MXRA5: variants seen among roughly 807,000 people sequenced by gnomAD.
MXRA5 encodes matrix-remodeling-associated protein 5.
MXRA5 carries 41 observed loss-of-function variants against 112.5 expected under a neutral mutation model. The observed-to-expected ratio is 0.36, with a 90% CI of 0.28 to 0.47. The LOEUF (loss-of-function observed/expected upper bound fraction) is 0.47, where lower values mean the gene tolerates loss of function less well. MXRA5 is among the 20% of genes least tolerant of loss of function. MXRA5 has a pLI of 0.99. For synonymous variants in MXRA5, 862 were observed against 900.8 expected, an observed-to-expected ratio of 0.96 and a Z score of 0.77; for missense variants, 2,150 against 2,251.0, an observed-to-expected ratio of 0.96 and a Z score of 0.91.
At position 3,320,018 on chromosome X, in the gene MXRA5, C is replaced by T. The variant is rs776869558; in HGVS notation, c.5667G>A (p.Lys1889=). The stretch of plus-strand genomic sequence containing the variant: ...GCTTAAACATCTTACCTGTGGAAAC[C>T]TTTGTCCAAGTAACGAAAGGCTTTG... The part of the protein sequence containing the change: ...GKPKPFVTWT[K]VSTGALMTPN... Residue 1889 remains lysine (K), a synonymous_variant, in exon 5 of 7, where the codon AAG becomes AAA. Coordinates refer to ENST00000217939, the MANE Select transcript of MXRA5 (RefSeq NM_015419.4). 3.0e-5 allele frequency: 36 copies of T among 1,192,240 alleles called. No homozygotes were observed. Among genetic ancestry groups the T allele is most frequent in the Non-Finnish European group, 3.5e-5 (31 of 886,023 alleles).
chrX:3,321,281 A>C lies in MXRA5; in HGVS notation c.4404T>G (p.Thr1468=), dbSNP rs770914125. The C allele has an allele frequency of 7.4e-6, 9 of 1,211,578 alleles. No homozygotes were observed. The highest frequency in any genetic ancestry group is 1.0e-5 in the Non-Finnish European group (9 of 895,466). The change falls in exon 5 of 7, where the codon ACT becomes ACG. Residue 1468 remains threonine (T), a synonymous_variant. Coordinates refer to ENST00000217939, the MANE Select transcript of MXRA5 (RefSeq NM_015419.4). ...TTLDQDHLET[T]VAILLSETRP... Reference sequence around the variant, plus strand: ...TAGTTTCAGAAAGGAGAATAGCCACAGTGGTTTCAAGATGATCTTGATCAA... The same window carrying C: ...TAGTTTCAGAAAGGAGAATAGCCACCGTGGTTTCAAGATGATCTTGATCAA...
intron 5 of MXRA5, 103 bp from the exon 6 acceptor site, chrX:3,318,106 G>A: frequency 3.1e-6 from 2 of 654,284 alleles, no homozygotes; most frequent in Non-Finnish European, 4.5e-6. Context: ...TAACACCCAG[G>A]CAGCAAAAGC....
rs866613735 is a variant in MXRA5 at position 3,321,462 on chromosome X, G to A, written c.4223C>T (p.Pro1408Leu). Residue 1408 changes from proline (P) to leucine (L), a missense_variant, in exon 5 of 7, where the codon CCC (proline) becomes CTC (leucine). Pro to Leu is a moderately conservative substitution (Grantham distance 98). This residue lies in a region of MXRA5 where 1,485 missense variants were observed against 1,471.6 expected (regional missense o/e 1.01). Coordinates refer to ENST00000217939, the MANE Select transcript of MXRA5 (RefSeq NM_015419.4). ...TTSGENLTDPPLLKELEDVDF... is the reference protein window; with the variant it reads ...TTSGENLTDPLLLKELEDVDF... ...CACATCCTCAAGCTCTTTAAGAAGGGGAGGGTCTGTAAGATTTTCCCCAGA... is the reference window on the plus strand; with the variant it reads ...CACATCCTCAAGCTCTTTAAGAAGGAGAGGGTCTGTAAGATTTTCCCCAGA... The A allele has an allele frequency of 8.3e-7, 1 of 1,211,164 alleles. No individual in the cohort carries two copies. Among genetic ancestry groups the A allele is most frequent in the East Asian group, 3.0e-5 (1 of 33,825 alleles).
In MXRA5 at chrX:3,321,588, T is replaced by C; in HGVS notation, c.4097A>G (p.Lys1366Arg). 8.3e-7 allele frequency: 1 copy of C among 1,210,822 alleles called. No homozygotes were observed. The change falls in exon 5 of 7, where the codon AAG (lysine) becomes AGG (arginine). Residue 1366 changes from lysine (K) to arginine (R), a missense_variant. By Grantham distance (26) the Lys-to-Arg change is conservative. Coordinates refer to ENST00000217939, the MANE Select transcript of MXRA5 (RefSeq NM_015419.4). ...RSLVSTMGEF[K>R]EESSPVGFPG... ...AAAGCCTACAGGAGAGGATTCTTCCTTAAATTCTCCCATAGTGGAGACCAA... is the reference window on the plus strand; with the variant it reads ...AAAGCCTACAGGAGAGGATTCTTCCCTAAATTCTCCCATAGTGGAGACCAA...
In MXRA5 at chrX:3,324,666, A is replaced by G; in HGVS notation, c.1019T>C (p.Met340Thr). The G allele has an allele frequency of 1.7e-6, 2 of 1,210,622 alleles. 1 individual carries two copies. The highest frequency in any genetic ancestry group is 2.2e-6 in the Non-Finnish European group (2 of 894,642). ...GTTCAAGTGAATCTTGTACACATCC[A>G]TTGGTTTCTTGATGTCACAGACCAA... ...VNLVCDIKKPMDVYKIHLNQT... is the reference protein window; with the variant it reads ...VNLVCDIKKPTDVYKIHLNQT... Residue 340 changes from methionine to threonine, a missense_variant, in exon 5 of 7, where the codon ATG becomes ACG. Physicochemically the swap from Met to Thr is moderately conservative, Grantham distance 81. Around this residue, in one of 6 missense-constraint regions of MXRA5, gnomAD observed 386 missense variants for 411.0 expected, o/e 0.94. Coordinates refer to ENST00000217939, the MANE Select transcript of MXRA5 (RefSeq NM_015419.4).
intron 4 of MXRA5, among the ~76,000 whole-genome samples, chrX:3,326,042 T>C (rs1280936183): frequency 1.3e-5 from 1 of 75,043 alleles, no homozygotes; most frequent in Non-Finnish European, 2.3e-5. Flanking sequence ...TAAATTTATA[T>C]ATAAATATAT....
At chrX:3,335,145 T>A (rs1019759541) in intron 2 of MXRA5, among the ~76,000 whole-genome samples, 5 of 111,944 alleles carry the variant, frequency 4.5e-5, no homozygotes, top group African/African-American at 1.3e-4. Context: ...CAATCATGGA[T>A]AATGACCATA....
In MXRA5 at chrX:3,320,917, G is replaced by A; in HGVS notation, c.4768C>T (p.Pro1590Ser). 8.3e-7 allele frequency: 1 copy of A among 1,211,633 alleles called. No individual in the cohort carries two copies. Among genetic ancestry groups the A allele is most frequent in the Non-Finnish European group, 1.1e-6 (1 of 895,524 alleles). ...VFGSRSLPRG[P>S]DSQRQDGRVH... is the part of the protein sequence containing the mutation. ...CTTCCATCCTGGCGTTGGCTATCTG[G>A]GCCACGTGGTAGACTCCTACTACCA... Residue 1590 changes from proline (P) to serine (S), a missense_variant, in exon 5 of 7, where the codon CCA (proline) becomes TCA (serine). By Grantham distance (74) the Pro-to-Ser change is moderately conservative. Transcript: ENST00000217939.
intron 2 of MXRA5, among the ~76,000 whole-genome samples, chrX:3,342,260 G>A (rs1373420500): frequency 9.1e-6 from 1 of 110,467 alleles, no homozygotes; most frequent in Admixed American, 9.7e-5. Flanking sequence ...GTTGAGGGGA[G>A]GGAACATAGA....
At chrX:3,331,309 G>A (rs1921658996) in intron 2 of MXRA5, among the ~76,000 whole-genome samples, 1 of 111,846 alleles carries the variant, frequency 8.9e-6, no homozygotes, top group Admixed American at 9.5e-5. Context: ...GTATTTATTT[G>A]TCTTCAGTCT....
chrX:3,328,583 A>G (rs1921567182), intron 4 of MXRA5, among the ~76,000 whole-genome samples: 1 of 111,259 alleles, frequency 9.0e-6, no homozygotes, highest in South Asian at 3.8e-4. Context: ...TGACAAGGAC[A>G]TGGGGACACT....
intron 2 of MXRA5, among the ~76,000 whole-genome samples, chrX:3,333,302 C>CAAAAAAAAAAAAAAAAAAA (rs386416494): frequency 2.0e-4 from 3 of 14,812 alleles, no homozygotes; most frequent in East Asian, 3.5e-3. Context: ...TACCCCATAT[C>CAAAAAAAAAAAAAAAAAAA]AAAAAAAAAA....
chrX:3,330,871 A>G, intron 2 of MXRA5, 98 bp from the exon 3 acceptor site: 1 of 558,106 alleles, frequency 1.8e-6, no homozygotes, highest in Non-Finnish European at 2.6e-6. Context: ...TAGCCTGCCC[A>G]AGAGCAAATT....
intron 2 of MXRA5, among the ~76,000 whole-genome samples, chrX:3,332,701 T>C (rs1354905622): frequency 1.8e-5 from 2 of 112,373 alleles, no homozygotes. Context: ...TTGACTCATG[T>C]AGTCAATGAA....
chrX:3,339,978 TTAAAA>T (rs1439203320), intron 2 of MXRA5, among the ~76,000 whole-genome samples: 3 of 111,973 alleles, frequency 2.7e-5, no homozygotes, highest in Admixed American at 9.5e-5. Flanking sequence ...AAGGCAGAAC[TTAAAA>T]TAAAATAGGC....
intron 5 of MXRA5, among the ~76,000 whole-genome samples, chrX:3,319,614 T>A (rs183182053): frequency 4.5e-4 from 50 of 111,967 alleles, no homozygotes; most frequent in Admixed American, 7.6e-4. Context: ...GGTTGAAGTG[T>A]AGATTGGGTA....
rs1433878367 is a variant in MXRA5, at chrX:3,336,790, CT to C, written c.189-6018del. ...TGGGCTCTGAAAACAAGTTCTAATGCTTTTAGAGATGGAGAAATCAAAAGGA... is the reference window on the plus strand; with the variant it reads ...TGGGCTCTGAAAACAAGTTCTAATGCTTTAGAGATGGAGAAATCAAAAGGA... On this transcript the variant is annotated intron_variant, in intron 2 of 6. Transcript: ENST00000217939. 4.5e-5 allele frequency among the ~76,000 whole-genome samples: 5 copies of C among 112,090 alleles called. No homozygotes were observed. The Admixed American group carries it at 4.7e-4, about 11-fold the overall frequency.
At chrX:3,328,899 T>A (rs1452026275) in intron 4 of MXRA5, among the ~76,000 whole-genome samples, 2 of 57,918 alleles carry the variant, frequency 3.5e-5, no homozygotes, top group Admixed American at 4.9e-4. Flanking sequence ...AAGGAAGGAA[T>A]GAAGGAAGGG....
rs777090401 is a variant in MXRA5, at chrX:3,310,306, C to A, written c.7897G>T (p.Val2633Leu). The A allele has an allele frequency of 8.3e-7, 1 of 1,206,228 alleles. No homozygotes were observed. The highest frequency in any genetic ancestry group is 1.8e-5 in the African/African-American group (1 of 56,795). The change falls in exon 7 of 7, where the codon GTG (valine) becomes TTG (leucine). Residue 2633 changes from valine to leucine, a missense_variant. Coordinates refer to ENST00000217939, the MANE Select transcript of MXRA5 (RefSeq NM_015419.4). ...TTGTTTGCTTCTGGCTTCAGTCCCACCTTCAGGGAGACCAGCCTCTCCGTG... is the reference window on the plus strand; with the variant it reads ...TTGTTTGCTTCTGGCTTCAGTCCCAACTTCAGGGAGACCAGCCTCTCCGTG... ...GHTERLVSLK[V>L]GLKPEANKQY...
Sources: gnomAD v4.1 joint callset for allele counts (sites outside exome capture counted in the v4.1 genomes callset) on GRCh38, gnomAD v4.1.1 for gene constraint, gnomAD v4.1.1 regional missense constraint, MANE v1.5 for transcripts, NCBI Gene and HGNC (gene_info 2026-07-23, HGNC 2026-07-21) for gene names.